The following BRINP2 variants were observed in gnomAD, a reference collection of about 807,000 sequenced individuals.
BRINP2 encodes BMP/retinoic acid-inducible neural-specific protein 2.
A neutral mutation model predicts 69.2 loss-of-function variants in BRINP2; 21 were observed. The ratio of observed to expected loss-of-function variants is 0.30; its 90% CI spans 0.22 to 0.44. The LOEUF (loss-of-function observed/expected upper bound fraction) is 0.44, where lower values mean the gene tolerates loss of function less well. Among genes scored for constraint, BRINP2 ranks in the 20% least tolerant of loss-of-function variants. The pLI is 1.00. For synonymous variants in BRINP2, 380 were observed against 394.1 expected, an observed-to-expected ratio of 0.96 and a Z score of 0.42; for missense variants, 877 against 986.0, an observed-to-expected ratio of 0.89 and a Z score of 1.48.
chr1:177,218,399 T>G (rs905213523), intron 1 of BRINP2, among the ~76,000 whole-genome samples: 3 of 152,220 alleles, frequency 2.0e-5, no homozygotes, highest in African/African-American at 7.2e-5. Flanking sequence ...CACAGATACC[T>G]CTGATTGAGC....
intron 2 of BRINP2, among the ~76,000 whole-genome samples, chr1:177,246,675 A>G (rs1650395803): frequency 6.6e-6 from 1 of 152,266 alleles, no homozygotes; most frequent in African/African-American, 2.4e-5. Flanking sequence ...CTACCATGAT[A>G]GCTGACTGCT....
At chr1:177,257,662 A>G (rs1037131921) in intron 4 of BRINP2, among the ~76,000 whole-genome samples, 8 of 152,318 alleles carry the variant, frequency 5.3e-5, no homozygotes, top group Admixed American at 4.6e-4. Context: ...CTGGTGGAGG[A>G]TGGAAAAACA....
In BRINP2 at chr1:177,207,692, T is replaced by C. The variant is rs187690280; in HGVS notation, c.-76-22109T>C. Among the ~76,000 whole-genome samples, 117 of 152,278 alleles carry C rather than the reference T, an allele frequency of 7.7e-4. No homozygotes were observed. In the Middle Eastern group the frequency reaches 0.02, roughly 27 times the overall value. The stretch of plus-strand genomic sequence containing the variant: ...GAATTCCAGATGTCAGTTGCCGACA[T>C]GGTGGCCGTTTTCCTGGAATATTTC... On this transcript the variant is annotated intron_variant, in intron 1 of 7. Transcript: ENST00000361539.
chr1:177,247,970 G>A (rs1002828653), intron 2 of BRINP2, among the ~76,000 whole-genome samples: 51 of 152,084 alleles, frequency 3.4e-4, no homozygotes, highest in Admixed American at 2.1e-3. Context: ...GGAGGGGGGC[G>A]GATAGAGCTG....
chr1:177,196,933 C>T (rs1648764886), intron 1 of BRINP2, among the ~76,000 whole-genome samples: 1 of 152,022 alleles, frequency 6.6e-6, no homozygotes. Flanking sequence ...TGAATTGCTC[C>T]CCCACCCCAG....
intron 2 of BRINP2, among the ~76,000 whole-genome samples, chr1:177,234,523 A>G (rs895419238): frequency 3.3e-5 from 5 of 152,028 alleles, no homozygotes; most frequent in African/African-American, 9.7e-5. Context: ...TCTTTTTTGT[A>G]TTAAGATTTT....
chr1:177,274,121 C>A (rs927743138), intron 5 of BRINP2, among the ~76,000 whole-genome samples: 2 of 152,116 alleles, frequency 1.3e-5, no homozygotes, highest in Non-Finnish European at 2.9e-5. Context: ...TGCACATGGG[C>A]AATTCAAAGT....
chr1:177,236,932 AAAC>A, intron 2 of BRINP2, among the ~76,000 whole-genome samples: 1 of 152,146 alleles, frequency 6.6e-6, no homozygotes, highest in Non-Finnish European at 1.5e-5. Context: ...AAAAAAAAAA[AAAC>A]TCCCACCTGA....
chr1:177,200,165 G>A (rs1648859971), intron 1 of BRINP2, among the ~76,000 whole-genome samples: 1 of 151,632 alleles, frequency 6.6e-6, no homozygotes. Context: ...GGTGGTACAT[G>A]CCTGTGATCC....
intron 1 of BRINP2, among the ~76,000 whole-genome samples, chr1:177,178,343 A>C (rs1292260319): frequency 6.6e-6 from 1 of 152,178 alleles, no homozygotes; most frequent in African/African-American, 2.4e-5. Flanking sequence ...TAGCATAACA[A>C]ACAGGAGCTC....
At chr1:177,248,652 A>G (rs1287387808) in intron 2 of BRINP2, among the ~76,000 whole-genome samples, 1 of 152,036 alleles carries the variant, frequency 6.6e-6, no homozygotes, top group African/African-American at 2.4e-5. Context: ...TGGAAACAGC[A>G]CCTGGGCTGG....
rs140681888 is a variant in BRINP2 at position 177,192,538 on chromosome 1, A to C, written c.-77+20806A>C. Among the ~76,000 whole-genome samples, 775 of 152,232 alleles carry C rather than the reference A, an allele frequency of 5.1e-3. 9 individuals are homozygous for C. The highest frequency in any genetic ancestry group is 0.018 in the African/African-American group (743 of 41,530). On this transcript the variant is annotated intron_variant, in intron 1 of 7. Coordinates refer to ENST00000361539, the MANE Select transcript of BRINP2 (RefSeq NM_021165.4). The stretch of plus-strand genomic sequence containing the variant: ...TACTACTGCCTGGATCTGTGCATAC[A>C]TGTTGGTTTGTGGGAGGAAATGAGC...
intron 1 of BRINP2, among the ~76,000 whole-genome samples, chr1:177,216,510 G>T (rs1050851343): frequency 2.6e-5 from 4 of 151,926 alleles, no homozygotes; most frequent in African/African-American, 9.7e-5. Flanking sequence ...TTGTACTAGG[G>T]ATAAAATTAC....
intron 2 of BRINP2, among the ~76,000 whole-genome samples, chr1:177,245,863 C>A (rs1650360962): frequency 6.6e-6 from 1 of 152,174 alleles, no homozygotes; most frequent in African/African-American, 2.4e-5. Flanking sequence ...CCTCCTCCTC[C>A]TTTAAGCTTG....
intron 4 of BRINP2, among the ~76,000 whole-genome samples, chr1:177,257,954 C>T: frequency 6.6e-6 from 1 of 152,142 alleles, no homozygotes; most frequent in South Asian, 2.1e-4. Context: ...ACAGAGAAGA[C>T]TGCTGAGATG....
chr1:177,232,658 G>A (rs1649898572), intron 2 of BRINP2, among the ~76,000 whole-genome samples: 1 of 152,014 alleles, frequency 6.6e-6, no homozygotes, highest in African/African-American at 2.4e-5. Context: ...GTTTCTAGTG[G>A]CAATTTCCTC....
intron 2 of BRINP2, among the ~76,000 whole-genome samples, chr1:177,242,891 G>A (rs946588430): frequency 1.3e-5 from 2 of 152,146 alleles, no homozygotes; most frequent in Admixed American, 1.3e-4. Context: ...GACTGACTGG[G>A]TTAAATTGCA....
chr1:177,228,888 T>C (rs973250094), intron 1 of BRINP2, among the ~76,000 whole-genome samples: 1 of 152,190 alleles, frequency 6.6e-6, no homozygotes, highest in Non-Finnish European at 1.5e-5. Flanking sequence ...GGCCAGAATC[T>C]TACTACTTTC....
intron 1 of BRINP2, among the ~76,000 whole-genome samples, chr1:177,192,911 A>G (rs1382496529): frequency 6.6e-6 from 1 of 152,258 alleles, no homozygotes; most frequent in African/African-American, 2.4e-5. Context: ...TTTAGGAGCT[A>G]TCTAAGATTG....
Sources: gnomAD v4.1 joint callset for allele counts (sites outside exome capture counted in the v4.1 genomes callset) on GRCh38, gnomAD v4.1.1 for gene constraint, MANE v1.5 for transcripts, NCBI Gene and HGNC (gene_info 2026-07-23, HGNC 2026-07-21) for gene names.